The following DNAJC1 variants were observed in gnomAD, a reference collection of about 807,000 sequenced individuals.
DNAJC1 encodes the protein DnaJ heat shock protein family (Hsp40) member C1, also known as dnaJ homolog subfamily C member 1.
In DNAJC1, 58 loss-of-function variants were observed where a neutral mutation model predicts 76.6. That is an observed-to-expected ratio of 0.76 (90% CI 0.61 to 0.94). The LOEUF is 0.94. Ranked by LOEUF, DNAJC1 falls within the 40% of genes least tolerant of loss-of-function variation. The pLI, the probability that DNAJC1 is intolerant of heterozygous loss-of-function variation, is 0.00. For missense variants in DNAJC1, 689 were observed against 677.3 expected (o/e 1.02, Z -0.19); for synonymous variants, 258 against 267.9 (o/e 0.96, Z 0.36).
intron 1 of DNAJC1, among the ~76,000 whole-genome samples, chr10:21,941,744 GAAGA>G (rs1191243324): frequency 6.6e-6 from 1 of 151,976 alleles, no homozygotes; most frequent in Non-Finnish European, 1.5e-5. Context: ...TCTTAAAACA[GAAGA>G]AATATGCCAT....
intron 7 of DNAJC1, among the ~76,000 whole-genome samples, chr10:21,893,664 A>T (rs1327059335): frequency 6.6e-6 from 1 of 151,912 alleles, no homozygotes; most frequent in Non-Finnish European, 1.5e-5. Context: ...TATATGAGAC[A>T]TAGCCAAAGC....
At chr10:21,878,450 G>T (rs1836222283) in intron 8 of DNAJC1, among the ~76,000 whole-genome samples, 1 of 152,112 alleles carries the variant, frequency 6.6e-6, no homozygotes, top group South Asian at 2.1e-4. Flanking sequence ...CTTTACATTT[G>T]TTTATATTTC....
chr10:21,897,363 AG>A (rs1836559983), intron 7 of DNAJC1, among the ~76,000 whole-genome samples: 1 of 152,306 alleles, frequency 6.6e-6, no homozygotes, highest in Non-Finnish European at 1.5e-5. Flanking sequence ...TTATTGATAG[AG>A]GAAAAAAAAC....
chr10:21,879,552 AG>A (rs1836238260), intron 8 of DNAJC1, among the ~76,000 whole-genome samples: 1 of 152,084 alleles, frequency 6.6e-6, no homozygotes, highest in Non-Finnish European at 1.5e-5. Flanking sequence ...TGAACCCAGA[AG>A]GCAGAGGTTG....
intron 9 of DNAJC1, among the ~76,000 whole-genome samples, chr10:21,798,723 T>C (rs1451953214): frequency 2.0e-5 from 3 of 152,226 alleles, no homozygotes; most frequent in Non-Finnish European, 4.4e-5. Flanking sequence ...ATGTTACTTG[T>C]CACTACCCAA....
intron 8 of DNAJC1, among the ~76,000 whole-genome samples, chr10:21,871,264 C>T (rs1017227948): frequency 2.0e-5 from 3 of 150,962 alleles, no homozygotes; most frequent in Admixed American, 1.3e-4. Context: ...TTCAAGGCTG[C>T]GCACATACTC....
intron 1 of DNAJC1, among the ~76,000 whole-genome samples, chr10:22,002,152 T>C (rs956872224): frequency 6.6e-6 from 1 of 152,186 alleles, no homozygotes; most frequent in Non-Finnish European, 1.5e-5. Context: ...TGATAACCTA[T>C]GGGGGAAGGG....
chr10:21,994,538 C>T (rs555503561), intron 1 of DNAJC1, among the ~76,000 whole-genome samples: 10 of 152,228 alleles, frequency 6.6e-5, no homozygotes, highest in Admixed American at 3.3e-4. Context: ...CCTGTAATCC[C>T]AGCACTTTGG....
intron 8 of DNAJC1, among the ~76,000 whole-genome samples, chr10:21,871,342 A>G (rs945961267): frequency 1.2e-4 from 18 of 146,120 alleles, no homozygotes; most frequent in South Asian, 4.3e-4. Flanking sequence ...GAAGCGGGGA[A>G]AAAAAAAAAA....
intron 1 of DNAJC1, among the ~76,000 whole-genome samples, chr10:21,980,351 G>A (rs1264761801): frequency 2.0e-5 from 3 of 152,028 alleles, no homozygotes; most frequent in Admixed American, 2.0e-4. Context: ...TGAGATATAT[G>A]GATATCATGT....
chr10:21,855,461 G>C (rs1054856826), intron 8 of DNAJC1, among the ~76,000 whole-genome samples: 6 of 152,002 alleles, frequency 3.9e-5, no homozygotes, highest in African/African-American at 1.4e-4. Context: ...AATAGGCAAA[G>C]CTCAGATTTT....
At chr10:21,914,388 TACCTCTA>T (rs1266184875) in intron 6 of DNAJC1, among the ~76,000 whole-genome samples, 1 of 152,222 alleles carries the variant, frequency 6.6e-6, no homozygotes, top group Non-Finnish European at 1.5e-5. Context: ...GAGATACTTT[TACCTCTA>T]TCTTGCCTAA....
intron 1 of DNAJC1, among the ~76,000 whole-genome samples, chr10:21,943,186 C>T (rs1482516917): frequency 6.6e-6 from 1 of 151,660 alleles, no homozygotes; most frequent in African/African-American, 2.4e-5. Context: ...AATGAATGAA[C>T]CAAGTACCCA....
intron 7 of DNAJC1, among the ~76,000 whole-genome samples, chr10:21,886,132 T>C (rs1260195289): frequency 6.6e-6 from 1 of 151,848 alleles, no homozygotes; most frequent in African/African-American, 2.4e-5. Context: ...CAATTAGAAA[T>C]GATGAAGGGT....
chr10:21,968,345 C>T (rs1837923363), intron 1 of DNAJC1, among the ~76,000 whole-genome samples: 1 of 152,074 alleles, frequency 6.6e-6, no homozygotes, highest in Non-Finnish European at 1.5e-5. Flanking sequence ...AAGATAAGGG[C>T]TTCTTATCTC....
chr10:21,928,602 A>G, intron 2 of DNAJC1, 50 bp from the exon 3 acceptor site: 2 of 1,477,048 alleles, frequency 1.4e-6, no homozygotes, highest in South Asian at 2.3e-5. Flanking sequence ...ACTATAAGAA[A>G]TCACATAGGA....
At chr10:21,947,173 C>T (rs1225832148) in intron 1 of DNAJC1, among the ~76,000 whole-genome samples, 1 of 152,056 alleles carries the variant, frequency 6.6e-6, no homozygotes, top group African/African-American at 2.4e-5. Context: ...ATGTCATGTG[C>T]AAAATGTCCT....
intron 1 of DNAJC1, among the ~76,000 whole-genome samples, chr10:21,983,867 T>C (rs1564844858): frequency 6.6e-6 from 1 of 152,176 alleles, no homozygotes; most frequent in Non-Finnish European, 1.5e-5. Flanking sequence ...GGTTGCACAA[T>C]GTTGTGAATG....
intron 7 of DNAJC1, among the ~76,000 whole-genome samples, chr10:21,890,041 T>C (rs1836435579): frequency 6.6e-6 from 1 of 152,050 alleles, no homozygotes; most frequent in Admixed American, 6.5e-5. Context: ...CAGTGGAGAC[T>C]ATATGGGTAG....
Sources: allele counts gnomAD v4.1 joint callset (sites outside exome capture counted in the v4.1 genomes callset), GRCh38; gene constraint gnomAD v4.1.1; transcripts MANE v1.5; gene names NCBI Gene and HGNC (gene_info 2026-07-23, HGNC 2026-07-21).